Variants in THSD7B observed in about 807,000 individuals in gnomAD.
THSD7B encodes the protein thrombospondin type-1 domain-containing protein 7B.
Under a neutral mutation model 213.6 loss-of-function variants are expected in THSD7B, and 138 were observed. The observed-to-expected ratio is 0.65, with a 90% CI of 0.56 to 0.74. THSD7B has a LOEUF of 0.74. Ranked by LOEUF, THSD7B falls within the 30% of genes least tolerant of loss-of-function variation. The pLI is 0.00. For synonymous variants in THSD7B, 742 were observed against 687.0 expected (o/e 1.08, Z -1.25); for missense variants, 1,931 against 1,991.5 (o/e 0.97, Z 0.58).
intron 3 of THSD7B, among the ~76,000 whole-genome samples, chr2:137,077,569 A>G (rs1013277639): frequency 2.0e-5 from 3 of 152,150 alleles, no homozygotes; most frequent in Non-Finnish European, 4.4e-5. Flanking sequence ...CATTTCTCTG[A>G]TGGCCAGTGA....
chr2:137,498,513 G>A (rs1679626224), intron 15 of THSD7B, among the ~76,000 whole-genome samples: 1 of 152,100 alleles, frequency 6.6e-6, no homozygotes, highest in South Asian at 2.1e-4. Flanking sequence ...ATCTAGAACA[G>A]CTTCATCCAC....
chr2:137,168,556 G>T (rs12997500), intron 6 of THSD7B, among the ~76,000 whole-genome samples: 9,409 of 152,230 alleles, frequency 0.062, 302 homozygotes, highest in Admixed American at 0.081. Context: ...ACTGAGGAGA[G>T]GTAATCTATA....
At chr2:137,076,751 T>C (rs1300448506) in intron 3 of THSD7B, among the ~76,000 whole-genome samples, 1 of 152,204 alleles carries the variant, frequency 6.6e-6, no homozygotes, top group Non-Finnish European at 1.5e-5. Flanking sequence ...CAAATTCTCT[T>C]TTATAGTGGT....
chr2:136,890,422 TTC>T (rs1372168640), intron 2 of THSD7B, among the ~76,000 whole-genome samples: 132 of 2,934 alleles, frequency 0.045, 41 homozygotes, highest in South Asian at 0.2. Context: ...CTTCTTCTTC[TTC>T]TTCTTCTTCT....
At chr2:137,304,409 T>G (rs1369934526) in intron 12 of THSD7B, among the ~76,000 whole-genome samples, 1 of 152,152 alleles carries the variant, frequency 6.6e-6, no homozygotes, top group African/African-American at 2.4e-5. Context: ...CAACTTACTT[T>G]CATTTTAAAA....
At chr2:137,449,869 A>G (rs1346366510) in intron 14 of THSD7B, among the ~76,000 whole-genome samples, 1 of 152,036 alleles carries the variant, frequency 6.6e-6, no homozygotes, top group East Asian at 1.9e-4. Flanking sequence ...TTCCCTTCAC[A>G]TTTGCCATAT....
At chr2:137,413,731 G>T (rs1240568568) in intron 14 of THSD7B, among the ~76,000 whole-genome samples, 1 of 152,118 alleles carries the variant, frequency 6.6e-6, no homozygotes, top group African/African-American at 2.4e-5. Context: ...GACAAGCCAA[G>T]GAATATGAAT....
At chr2:137,137,622 T>C (rs1393205155) in intron 5 of THSD7B, among the ~76,000 whole-genome samples, 1 of 152,142 alleles carries the variant, frequency 6.6e-6, no homozygotes, top group East Asian at 1.9e-4. Flanking sequence ...AGGTGTATAG[T>C]AGACTAATTC....
chr2:137,529,545 A>G (rs947484550), intron 15 of THSD7B, among the ~76,000 whole-genome samples: 2 of 151,878 alleles, frequency 1.3e-5, no homozygotes, highest in Non-Finnish European at 2.9e-5. Flanking sequence ...TATCGTGTAG[A>G]ATGTTCATGG....
chr2:136,886,659 C>A (rs1485750481), intron 2 of THSD7B, among the ~76,000 whole-genome samples: 5 of 152,176 alleles, frequency 3.3e-5, no homozygotes, highest in African/African-American at 1.2e-4. Context: ...AGAATCTCAA[C>A]AGTGCCCAGG....
At chr2:137,113,419 T>G (rs925115618) in intron 4 of THSD7B, among the ~76,000 whole-genome samples, 2 of 152,202 alleles carry the variant, frequency 1.3e-5, no homozygotes, top group East Asian at 1.9e-4. Context: ...TTGTGGGGTT[T>G]TTGTGTGTGT....
Position 137,129,075 on chromosome 2 carries a change from A to C in THSD7B, c.1369+13782A>C, listed in dbSNP as rs540513281. ...GCTTTTTTTCATGACCCTGAAAAAAACCTCCTATTGTGATAATTCTTTGTC... is the reference window on the plus strand; with the variant it reads ...GCTTTTTTTCATGACCCTGAAAAAACCCTCCTATTGTGATAATTCTTTGTC... On this transcript the variant is annotated intron_variant, in intron 5 of 27. Coordinates refer to ENST00000409968, the MANE Select transcript of THSD7B (RefSeq NM_001316349.2). Among the ~76,000 whole-genome samples, 79 of 152,020 alleles carry C rather than the reference A, an allele frequency of 5.2e-4. 1 individual carries two copies. The highest frequency in any genetic ancestry group is 3.4e-3 in the Middle Eastern group (1 of 294).
At chr2:137,098,395 C>A (rs1170954362) in intron 4 of THSD7B, among the ~76,000 whole-genome samples, 2 of 152,066 alleles carry the variant, frequency 1.3e-5, no homozygotes, top group Non-Finnish European at 2.9e-5. Context: ...TTCCCTCATG[C>A]CCTGGAACCT....
rs75877121 is a variant in THSD7B, at chr2:136,852,080, T to C, written c.-35-30064T>C. 3.9e-3 allele frequency among the ~76,000 whole-genome samples: 597 copies of C among 152,098 alleles called. 20 individuals are homozygous for C. In the East Asian group the frequency reaches 0.086, roughly 22 times the overall value. On this transcript the variant is annotated intron_variant, in intron 1 of 27. Coordinates refer to ENST00000409968, the MANE Select transcript of THSD7B (RefSeq NM_001316349.2). ...GGTCCTTAAAATAGATGATCCTGGA[T>C]TGTTTAAATGGGCCCAATCTAATCA... is the stretch of plus-strand genomic sequence containing the variant.
chr2:137,068,278 C>T (rs1040504508), intron 3 of THSD7B, among the ~76,000 whole-genome samples: 1 of 151,970 alleles, frequency 6.6e-6, no homozygotes, highest in Admixed American at 6.6e-5. Flanking sequence ...TTCTAGACAG[C>T]GTATTGAACC....
At chr2:137,615,854 C>T (rs78825840) in intron 17 of THSD7B, among the ~76,000 whole-genome samples, 3,438 of 151,772 alleles carry the variant, frequency 0.023, 50 homozygotes, top group Middle Eastern at 0.072. Context: ...TCAAAATATA[C>T]GGATCTCTTA....
intron 20 of THSD7B, among the ~76,000 whole-genome samples, chr2:137,628,520 T>C (rs1283226479): frequency 6.6e-6 from 1 of 152,158 alleles, no homozygotes; most frequent in Non-Finnish European, 1.5e-5. Flanking sequence ...ATAATGCCCA[T>C]TGATGAATCC....
At chr2:136,865,954 A>AACAGAGTG (rs1558830975) in intron 1 of THSD7B, among the ~76,000 whole-genome samples, 17 of 152,304 alleles carry the variant, frequency 1.1e-4, no homozygotes, top group Middle Eastern at 3.4e-3. Context: ...GTGGCCACAG[A>AACAGAGTG]ACAGAGTGAC....
chr2:137,643,574 A>AAAT (rs1425046353), intron 21 of THSD7B, among the ~76,000 whole-genome samples: 2 of 152,242 alleles, frequency 1.3e-5, no homozygotes, highest in Non-Finnish European at 2.9e-5. Flanking sequence ...TAATAGCTTT[A>AAAT]AATATTAATA....
Sources: gnomAD v4.1 joint callset for allele counts (sites outside exome capture counted in the v4.1 genomes callset) on GRCh38, gnomAD v4.1.1 for gene constraint, MANE v1.5 for transcripts, NCBI Gene and HGNC (gene_info 2026-07-23, HGNC 2026-07-21) for gene names.